Variants in BICDL1 observed in about 807,000 individuals in gnomAD.
BICDL1 encodes the protein BICD family-like cargo adapter 1.
In BICDL1, 20 loss-of-function variants were observed where a neutral mutation model predicts 76.8. That is an observed-to-expected ratio of 0.26 (90% CI 0.18 to 0.38). BICDL1 has a LOEUF of 0.38. BICDL1 is among the 10% of genes least tolerant of loss of function. The probability of loss-of-function intolerance (pLI) is 1.00; values close to 1 mark genes in which losing one functional copy is unlikely to be tolerated. For missense variants in BICDL1, 700 were observed against 798.6 expected, an observed-to-expected ratio of 0.88 and a Z score of 1.49; for synonymous variants, 383 against 337.1, an observed-to-expected ratio of 1.14 and a Z score of -1.49.
chr12:120,050,389 C>G (rs985783696), intron 2 of BICDL1, among the ~76,000 whole-genome samples: 2 of 151,558 alleles, frequency 1.3e-5, no homozygotes, highest in Non-Finnish European at 2.9e-5. Flanking sequence ...GCCTCAGCCT[C>G]CCAAGTAGTT....
intron 2 of BICDL1, among the ~76,000 whole-genome samples, chr12:120,018,073 A>G (rs1182081467): frequency 3.9e-5 from 6 of 152,168 alleles, no homozygotes; most frequent in Non-Finnish European, 7.4e-5. Flanking sequence ...AGTAAATGCT[A>G]TTCCTGTGTT....
At chr12:120,050,772 GC>G (rs1952842284) in intron 2 of BICDL1, among the ~76,000 whole-genome samples, 1 of 151,992 alleles carries the variant, frequency 6.6e-6, no homozygotes, top group Admixed American at 6.5e-5. Context: ...CTCCCAAGTA[GC>G]TGGGATTAAC....
rs181734393 is a variant in BICDL1, at chr12:120,030,519, G to A, written c.646-31191G>A. On this transcript the variant is annotated intron_variant, in intron 2 of 9. Transcript: ENST00000548673. ...GATTTACAAAAAAATGTGCATTTCC[G>A]TGATCAAAACCCCAGGAGGTAGAAA... Among the ~76,000 whole-genome samples, 15 of 152,244 alleles carry A rather than the reference G, an allele frequency of 9.9e-5. No individual in the cohort carries two copies. In the East Asian group the frequency reaches 1.5e-3, roughly 16 times the overall value.
chr12:120,063,079 G>C (rs939313643), intron 3 of BICDL1, among the ~76,000 whole-genome samples: 8 of 152,168 alleles, frequency 5.3e-5, no homozygotes, highest in African/African-American at 1.7e-4. Flanking sequence ...TTTCAAGTAA[G>C]TTACTTTGTG....
At chr12:120,074,652 T>G in intron 7 of BICDL1, 66 bp downstream of exon 7, 1 of 999,248 alleles carries the variant, frequency 1.0e-6, no homozygotes, top group Non-Finnish European at 1.2e-6. Flanking sequence ...CTTGGGACCC[T>G]TTTGAGTTTC....
At chr12:120,090,169 T>G in intron 9 of BICDL1, 98 bp downstream of exon 9, 3 of 1,406,296 alleles carry the variant, frequency 2.1e-6, no homozygotes, top group Non-Finnish European at 2.9e-6. Flanking sequence ...GAGGGTTCCA[T>G]GTGACTGGGT....
intron 2 of BICDL1, among the ~76,000 whole-genome samples, chr12:120,038,597 A>AT (rs75435529): frequency 0.014 from 2,053 of 152,014 alleles, 43 homozygotes; most frequent in East Asian, 0.043. Flanking sequence ...CATTATGTTG[A>AT]TTTTTTTCTT....
intron 8 of BICDL1, among the ~76,000 whole-genome samples, chr12:120,084,903 A>T (rs1269845481): frequency 6.6e-6 from 1 of 151,858 alleles, no homozygotes; most frequent in Non-Finnish European, 1.5e-5. Context: ...AAAAAAAAAA[A>T]AAAATTACTC....
chr12:120,008,563 T>G (rs1951894672), intron 2 of BICDL1, among the ~76,000 whole-genome samples: 1 of 152,212 alleles, frequency 6.6e-6, no homozygotes, highest in African/African-American at 2.4e-5. Flanking sequence ...GGCTTGAGGA[T>G]TGGCTTTTTG....
chr12:120,027,839 C>T (rs1270573159), intron 2 of BICDL1, among the ~76,000 whole-genome samples: 1 of 152,198 alleles, frequency 6.6e-6, no homozygotes, highest in Admixed American at 6.5e-5. Context: ...CATCACTTAA[C>T]ACCATCATTC....
chr12:120,037,141 C>T (rs1952544618), intron 2 of BICDL1, among the ~76,000 whole-genome samples: 1 of 152,164 alleles, frequency 6.6e-6, no homozygotes, highest in South Asian at 2.1e-4. Flanking sequence ...CAGTGCCTAA[C>T]ATGTTGTCTT....
chr12:120,006,068 A>T (rs1951845015), intron 2 of BICDL1, among the ~76,000 whole-genome samples: 1 of 152,200 alleles, frequency 6.6e-6, no homozygotes, highest in Non-Finnish European at 1.5e-5. Context: ...ATCATTCTGT[A>T]TGCATACATA....
At position 120,092,821 on chromosome 12, in the gene BICDL1, C is replaced by T. The variant is rs555183203; in HGVS notation, c.1705-179C>T. ...GGCTGGAGGTGCCATACGGCTCCTGCGTGCGCCTGGTGTCTTGCCCACGCT... is the reference window on the plus strand; with the variant it reads ...GGCTGGAGGTGCCATACGGCTCCTGTGTGCGCCTGGTGTCTTGCCCACGCT... On this transcript the variant is annotated intron_variant, in intron 9 of 9. Coordinates refer to ENST00000548673, the MANE Select transcript of BICDL1 (RefSeq NM_001367886.1). 34 of 985,424 alleles carry T rather than the reference C, an allele frequency of 3.5e-5. No homozygotes were observed. The East Asian group carries it at 6.8e-4, about 20-fold the overall frequency. The allele number at this position is 985,424 out of a possible 1,614,324, so 61.0% of individuals were successfully genotyped here. A position where few individuals can be genotyped will look rare whatever the true frequency, so the allele number is the denominator to read the frequency against.
intron 2 of BICDL1, among the ~76,000 whole-genome samples, chr12:120,053,300 T>G (rs1952903584): frequency 6.6e-6 from 1 of 152,124 alleles, no homozygotes; most frequent in South Asian, 2.1e-4. Flanking sequence ...ATCAGGCTGG[T>G]CTCGAACTCC....
At chr12:120,026,959 C>T (rs1273718549) in intron 2 of BICDL1, among the ~76,000 whole-genome samples, 1 of 149,782 alleles carries the variant, frequency 6.7e-6, no homozygotes, top group East Asian at 2.0e-4. Context: ...AAACTGGGAT[C>T]ATAGAAAGAA....
intron 2 of BICDL1, among the ~76,000 whole-genome samples, chr12:120,046,012 C>T (rs997376082): frequency 2.6e-5 from 4 of 152,130 alleles, no homozygotes; most frequent in Admixed American, 6.6e-5. Context: ...GAAACAGAAG[C>T]TTGTTCCAAG....
intron 7 of BICDL1, among the ~76,000 whole-genome samples, chr12:120,075,317 G>T (rs369804893): frequency 6.6e-6 from 1 of 151,622 alleles, no homozygotes; most frequent in African/African-American, 2.4e-5. Context: ...AGCTGTTCAC[G>T]CCTTGCTGCT....
intron 2 of BICDL1, among the ~76,000 whole-genome samples, chr12:120,036,818 G>A (rs1200919571): frequency 1.3e-5 from 2 of 152,234 alleles, no homozygotes; most frequent in East Asian, 1.9e-4. Context: ...GGAGGTTGCA[G>A]TGAGCCAAGA....
intron 2 of BICDL1, among the ~76,000 whole-genome samples, chr12:120,027,976 A>T (rs1234178273): frequency 6.6e-6 from 1 of 152,210 alleles, no homozygotes. Flanking sequence ...GGTGTTTTTA[A>T]GGCAGAGTTT....
Sources: gnomAD v4.1 joint callset for allele counts (sites outside exome capture counted in the v4.1 genomes callset) on GRCh38, gnomAD v4.1.1 for gene constraint, MANE v1.5 for transcripts, NCBI Gene and HGNC (gene_info 2026-07-23, HGNC 2026-07-21) for gene names.